VAV3: variants seen among roughly 807,000 people sequenced by gnomAD.
VAV3 encodes guanine nucleotide exchange factor VAV3.
VAV3 carries 94 observed loss-of-function variants against 131.2 expected under a neutral mutation model. The ratio of observed to expected loss-of-function variants is 0.72; its 90% CI spans 0.61 to 0.85. VAV3 has a LOEUF of 0.85. Among genes scored for constraint, VAV3 ranks in the 40% least tolerant of loss-of-function variants. VAV3 has a pLI of 0.00. For missense variants in VAV3, 939 were observed against 1,002.7 expected (o/e 0.94, Z 0.86); for synonymous variants, 349 against 342.0 (o/e 1.02, Z -0.22).
intron 20 of VAV3, among the ~76,000 whole-genome samples, chr1:107,630,907 G>GT (rs1245941775): frequency 1.3e-5 from 2 of 152,112 alleles, no homozygotes; most frequent in African/African-American, 4.8e-5. Flanking sequence ...ACGCCATTGA[G>GT]TAAGTACAGA....
In VAV3 at chr1:107,654,678, C is replaced by T. The variant is rs560629756; in HGVS notation, c.1778-11923G>A. The stretch of plus-strand genomic sequence containing the variant: ...TTTTTAGTTTCCCATCTTTTTTCTA[C>T]ATAAAGAGTTTCTTTAATCAACTTT... On this transcript the variant is annotated intron_variant, in intron 19 of 26. Coordinates refer to ENST00000370056, the MANE Select transcript of VAV3 (RefSeq NM_006113.5). 1.8e-4 allele frequency among the ~76,000 whole-genome samples: 27 copies of T among 152,022 alleles called. No individual in the cohort carries two copies. The South Asian group carries it at 1.9e-3, about 11-fold the overall frequency.
intron 1 of VAV3, among the ~76,000 whole-genome samples, chr1:107,959,332 C>G (rs967031011): frequency 5.9e-5 from 9 of 152,046 alleles, no homozygotes; most frequent in African/African-American, 1.9e-4. Context: ...AGCCACTATC[C>G]CATTTTTCTG....
chr1:107,862,622 T>G (rs1168513969), intron 2 of VAV3: 1 of 151,548 alleles, frequency 6.6e-6, no homozygotes, highest in Non-Finnish European at 1.5e-5. Flanking sequence ...TATTTACAAT[T>G]TATTGTAAGC....
intron 2 of VAV3, among the ~76,000 whole-genome samples, chr1:107,783,978 T>C (rs909933655): frequency 6.6e-6 from 1 of 151,674 alleles, no homozygotes; most frequent in Admixed American, 6.6e-5. Flanking sequence ...GAGAATGGTG[T>C]GAACCTGGGA....
rs190468855 is a variant in VAV3 at position 107,864,067 on chromosome 1, C to T, written c.321+10834G>A. Among the ~76,000 whole-genome samples, 167 of 152,206 alleles carry T rather than the reference C, an allele frequency of 1.1e-3. 1 individual carries two copies. The highest frequency in any genetic ancestry group is 3.9e-3 in the African/African-American group (163 of 41,548). On this transcript the variant is annotated intron_variant, in intron 2 of 26. Coordinates refer to ENST00000370056, the MANE Select transcript of VAV3 (RefSeq NM_006113.5). ...CTCTGCAGAAGAGCTTATATATAAA[C>T]AAAAGGTATGAGAGAGCCTAAGCCT... is the stretch of plus-strand genomic sequence containing the variant.
chr1:107,782,408 G>A (rs1665741843), intron 2 of VAV3, among the ~76,000 whole-genome samples: 1 of 152,118 alleles, frequency 6.6e-6, no homozygotes, highest in East Asian at 1.9e-4. Flanking sequence ...GGAGCCAGAT[G>A]ATAGTCTATT....
intron 25 of VAV3, among the ~76,000 whole-genome samples, chr1:107,582,556 TC>T (rs1379879039): frequency 2.3e-5 from 2 of 87,236 alleles, no homozygotes; most frequent in Admixed American, 1.4e-4. Flanking sequence ...ATGCTATCCC[TC>T]CCCCCTCCCC....
At chr1:107,948,615 G>A (rs1343961711) in intron 1 of VAV3, among the ~76,000 whole-genome samples, 1 of 152,162 alleles carries the variant, frequency 6.6e-6, no homozygotes, top group African/African-American at 2.4e-5. Flanking sequence ...AGGCCGAGGT[G>A]GGCAGATCAC....
chr1:107,611,779 C>G (rs1028675009), intron 21 of VAV3, among the ~76,000 whole-genome samples: 4 of 152,042 alleles, frequency 2.6e-5, no homozygotes, highest in Non-Finnish European at 1.5e-5. Flanking sequence ...CCCTGGTGTC[C>G]CACTAGAGCT....
chr1:107,598,242 G>A (rs1224484169), intron 24 of VAV3, among the ~76,000 whole-genome samples: 2 of 152,114 alleles, frequency 1.3e-5, no homozygotes, highest in Admixed American at 6.6e-5. Flanking sequence ...TGTGATCCCA[G>A]CTACTTGGGA....
intron 15 of VAV3, among the ~76,000 whole-genome samples, chr1:107,714,907 CAAGATG>C (rs1661003837): frequency 1.3e-5 from 2 of 152,104 alleles, no homozygotes; most frequent in South Asian, 4.2e-4. Flanking sequence ...TTATTTTATT[CAAGATG>C]GGCTTTATAG....
chr1:107,665,996 G>A (rs1380311399), intron 19 of VAV3, among the ~76,000 whole-genome samples: 1 of 152,136 alleles, frequency 6.6e-6, no homozygotes, highest in Non-Finnish European at 1.5e-5. Flanking sequence ...CAGGGAGGGG[G>A]AAGAGTATTT....
chr1:107,704,385 A>T (rs1050145222), intron 17 of VAV3, among the ~76,000 whole-genome samples, 165 bp downstream of exon 17: 8 of 152,152 alleles, frequency 5.3e-5, no homozygotes, highest in Admixed American at 5.2e-4. Context: ...TATGCAGAAA[A>T]CTCACGTAAA....
Position 107,766,500 on chromosome 1 carries a change from A to C in VAV3, c.768T>G (p.Ile256Met). The C allele has an allele frequency of 1.9e-6, 3 of 1,613,598 alleles. No individual in the cohort carries two copies. The highest frequency in any genetic ancestry group is 2.5e-6 in the Non-Finnish European group (3 of 1,179,770). Residue 256 changes from isoleucine to methionine, a missense_variant, in exon 8 of 27, where the codon ATT becomes ATG. Coordinates refer to ENST00000370056, the MANE Select transcript of VAV3 (RefSeq NM_006113.5). Reference sequence around the variant, plus strand: ...ACAAGTTCTGGTCATTTTTATTTACAATGGAATCATGAATCTCTTGCATTA... The same window carrying C: ...ACAAGTTCTGGTCATTTTTATTTACCATGGAATCATGAATCTCTTGCATTA... ...RNLMQEIHDS[I>M]VNKNDQNLYQ...
At chr1:107,745,263 T>A (rs1404836933) in intron 15 of VAV3, among the ~76,000 whole-genome samples, 1 of 152,198 alleles carries the variant, frequency 6.6e-6, no homozygotes, top group African/African-American at 2.4e-5. Flanking sequence ...CTTAAAGATT[T>A]AAATACATTA....
chr1:107,964,384 G>A (rs1426536323), intron 1 of VAV3: 3 of 333,970 alleles, frequency 9.0e-6, no homozygotes, highest in African/African-American at 6.3e-5. Context: ...GTAGGTGAAG[G>A]GCACCCTAAG....
chr1:107,745,942 T>G (rs1031929186), intron 15 of VAV3, among the ~76,000 whole-genome samples: 1 of 152,224 alleles, frequency 6.6e-6, no homozygotes, highest in Non-Finnish European at 1.5e-5. Flanking sequence ...CTAAAGACAC[T>G]GGGAAGAAGC....
intron 19 of VAV3, among the ~76,000 whole-genome samples, chr1:107,666,597 GT>G (rs1657427657): frequency 6.8e-6 from 1 of 147,896 alleles, no homozygotes; most frequent in African/African-American, 2.5e-5. Flanking sequence ...TTGAGACGGA[GT>G]CTCACTCTGC....
At chr1:107,609,741 C>A (rs964582092) in intron 22 of VAV3, 190 bp downstream of exon 22, 3 of 577,498 alleles carry the variant, frequency 5.2e-6, no homozygotes, top group South Asian at 2.5e-5. Flanking sequence ...GCACACACAC[C>A]CCCCTCGCAG....
Sources: gnomAD v4.1 joint callset for allele counts (sites outside exome capture counted in the v4.1 genomes callset) on GRCh38, gnomAD v4.1.1 for gene constraint, MANE v1.5 for transcripts, NCBI Gene and HGNC (gene_info 2026-07-23, HGNC 2026-07-21) for gene names.